The following MDN1 variants were observed in gnomAD, a reference collection of about 807,000 sequenced individuals.
MDN1 encodes midasin.
MDN1 carries 266 observed loss-of-function variants against 669.2 expected under a neutral mutation model. The observed-to-expected ratio is 0.40, with a 90% CI of 0.36 to 0.44. MDN1 has a LOEUF of 0.44. Among genes scored for constraint, MDN1 ranks in the 20% least tolerant of loss-of-function variants. The probability of loss-of-function intolerance (pLI) is 1.00; values close to 1 mark genes in which losing one functional copy is unlikely to be tolerated. For missense variants in MDN1, 5,940 were observed against 6,754.0 expected (o/e 0.88, Z 4.22); for synonymous variants, 2,385 against 2,457.1 (o/e 0.97, Z 0.87).
At chr6:89,651,049 T>G (rs1050352366) in intron 95 of MDN1, among the ~76,000 whole-genome samples, 1 of 151,832 alleles carries the variant, frequency 6.6e-6, no homozygotes, top group South Asian at 2.1e-4. Flanking sequence ...GGGTGGTGGC[T>G]AATGCCTGGT....
At chr6:89,810,461 A>C (rs1768339860) in intron 1 of MDN1, among the ~76,000 whole-genome samples, 1 of 152,054 alleles carries the variant, frequency 6.6e-6, no homozygotes, top group Admixed American at 6.6e-5. Context: ...AACAAAAAAC[A>C]AATTAAAAAA....
intron 7 of MDN1, 54 bp downstream of exon 7, chr6:89,789,726 T>C: frequency 6.5e-7 from 1 of 1,530,228 alleles, no homozygotes; most frequent in Admixed American, 2.3e-5. Context: ...ACAAAATGCT[T>C]TTCCAAGACA....
chr6:89,729,209 G>T, intron 35 of MDN1, 70 bp from the exon 36 acceptor site: 1 of 1,274,102 alleles, frequency 7.8e-7, no homozygotes, highest in Middle Eastern at 2.6e-4. Context: ...ATCAACTCAA[G>T]ATTTTAAAAA....
At position 89,664,564 on chromosome 6, in the gene MDN1, A is replaced by G. The variant is rs16882046; in HGVS notation, c.14159T>C (p.Ile4720Thr). The G allele has an allele frequency of 0.039, 62,787 of 1,613,510 alleles. 1,834 individuals are homozygous for G. The highest frequency in any genetic ancestry group is 0.12 in the South Asian group (11,304 of 90,968). Reference sequence around the variant, plus strand: ...CTCAATGGCATTATCCTCGCCCTTAATATCAGATTTTGAATCAGGATCCTC... The same window carrying G: ...CTCAATGGCATTATCCTCGCCCTTAGTATCAGATTTTGAATCAGGATCCTC... The part of the protein sequence containing the change: ...DKEDPDSKSD[I>T]KGEDNAIEMS... Residue 4720 changes from isoleucine to threonine, a missense_variant, in exon 85 of 102, where the codon ATT becomes ACT. Around this residue, in one of 5 missense-constraint regions of MDN1, gnomAD observed 2,280 missense variants for 2,576.3 expected, o/e 0.88. Coordinates refer to ENST00000369393, the MANE Select transcript of MDN1 (RefSeq NM_014611.3).
At chr6:89,815,261 C>A (rs1387062636) in intron 1 of MDN1, 1 of 435,120 alleles carries the variant, frequency 2.3e-6, no homozygotes. Flanking sequence ...GCTCTCCCAG[C>A]GCATCTGATA....
At chr6:89,811,612 AT>A (rs1423827560) in intron 1 of MDN1, among the ~76,000 whole-genome samples, 1 of 151,820 alleles carries the variant, frequency 6.6e-6, no homozygotes, top group African/African-American at 2.4e-5. Context: ...CGCCCAGCTA[AT>A]TTTTGTATTT....
rs78004294 is a variant in MDN1 at position 89,814,626 on chromosome 6, T to C, written c.102+4880A>G. 9 of 189,328 alleles carry C rather than the reference T, an allele frequency of 4.8e-5. No individual in the cohort carries two copies. The East Asian group carries it at 1.3e-3, about 26-fold the overall frequency. The allele number at this position is 189,328 out of a possible 1,614,324, so 11.7% of individuals were successfully genotyped here. ...TTTACAGTGCTCGGCTTCAGGCACA[T>C]GTTGGGGGTGTTGAGGTCTAGTGGG... On this transcript the variant is annotated intron_variant, in intron 1 of 101. Transcript: ENST00000369393.
chr6:89,769,130 C>T (rs770022209), intron 15 of MDN1, among the ~76,000 whole-genome samples: 2 of 151,912 alleles, frequency 1.3e-5, no homozygotes, highest in East Asian at 3.9e-4. Context: ...ATATATTTAA[C>T]ATAACTTATA....
chr6:89,645,242 G>T, intron 100 of MDN1, 85 bp from the exon 101 acceptor site: 2 of 1,425,870 alleles, frequency 1.4e-6, no homozygotes, highest in Non-Finnish European at 9.6e-7. Flanking sequence ...GGACAAATTA[G>T]TGTAGGCTTT....
chr6:89,769,918 TA>T (rs1817995613), intron 15 of MDN1, among the ~76,000 whole-genome samples: 1 of 152,132 alleles, frequency 6.6e-6, no homozygotes, highest in Non-Finnish European at 1.5e-5. Flanking sequence ...ATGAAATTAC[TA>T]AAGACATATA....
Position 89,709,716 on chromosome 6 carries a change from T to A in MDN1, c.7765+965A>T, listed in dbSNP as rs528407771. On this transcript the variant is annotated intron_variant, in intron 50 of 101. Coordinates refer to ENST00000369393, the MANE Select transcript of MDN1 (RefSeq NM_014611.3). ...GAAGATGGAGGTAGAAAATTTTAAA[T>A]CTGGTGTTGTGAAAATGCCCATTTT... Among the ~76,000 whole-genome samples the A allele has an allele frequency of 5.3e-5, 8 of 152,326 alleles. No individual in the cohort carries two copies. In the East Asian group the frequency reaches 1.5e-3, roughly 29 times the overall value.
At chr6:89,789,688 G>A (rs1287098522) in intron 7 of MDN1, 92 bp downstream of exon 7, 1 of 1,419,686 alleles carries the variant, frequency 7.0e-7, no homozygotes, top group Non-Finnish European at 9.5e-7. Flanking sequence ...ATACATTTTT[G>A]TTTAAATCAT....
Position 89,803,323 on chromosome 6 carries a change from C to A in MDN1, c.329+5G>T. 2 of 1,611,628 alleles carry A rather than the reference C, an allele frequency of 1.2e-6. No homozygotes were observed. The highest frequency in any genetic ancestry group is 1.7e-6 in the Non-Finnish European group (2 of 1,177,780). Reference sequence around the variant, plus strand: ...AGAAATGCGAATAATAAAATTGCTACTCACGGGAGGACATCAGGATGGTTA... The same window carrying A: ...AGAAATGCGAATAATAAAATTGCTAATCACGGGAGGACATCAGGATGGTTA... On this transcript the variant is annotated splice_donor_5th_base_variant and intron_variant, in intron 2 of 101. Transcript: ENST00000369393.
Position 89,729,066 on chromosome 6 carries a change from C to T in MDN1, c.5214G>A (p.Arg1738=). Residue 1738 remains arginine (R), a synonymous_variant, in exon 36 of 102, where the codon AGG becomes AGA. Transcript: ENST00000369393. ...TCTTCAGTTTGGTAGCTCTTAAGAG[C>T]CTCTGTGCATTCATAGCAGTGGTCC... ...SAGTTAMNAQ[R]LLRATKLKKP... is the part of the protein sequence containing the mutation. The T allele has an allele frequency of 6.2e-7, 1 of 1,613,976 alleles. No individual in the cohort carries two copies. The highest frequency in any genetic ancestry group is 1.1e-5 in the South Asian group (1 of 91,078).
intron 7 of MDN1, among the ~76,000 whole-genome samples, chr6:89,789,114 ACT>A (rs1049875086): frequency 2.2e-4 from 30 of 139,346 alleles, no homozygotes; most frequent in African/African-American, 8.0e-4. Context: ...ACAGAGCAAG[ACT>A]CTGTCTCACA....
At chr6:89,658,517 G>A in intron 89 of MDN1, 93 bp downstream of exon 89, 1 of 1,522,818 alleles carries the variant, frequency 6.6e-7, no homozygotes, top group Non-Finnish European at 8.9e-7. Flanking sequence ...CATGTTGATG[G>A]AGGAGTATCC....
intron 95 of MDN1, 54 bp from the exon 96 acceptor site, chr6:89,650,901 C>A: frequency 6.8e-7 from 1 of 1,472,324 alleles, no homozygotes; most frequent in South Asian, 1.1e-5. Flanking sequence ...CCAACCAAGT[C>A]TTCTAGCAAG....
chr6:89,680,391 T>C (rs1811528058), intron 74 of MDN1, among the ~76,000 whole-genome samples, 198 bp downstream of exon 74: 1 of 152,172 alleles, frequency 6.6e-6, no homozygotes, highest in South Asian at 2.1e-4. Context: ...AGGACGACAA[T>C]GTGAAAATTA....
chr6:89,743,307 T>A (rs773117874), intron 30 of MDN1, 27 bp from the exon 31 acceptor site: 1 of 1,613,630 alleles, frequency 6.2e-7, no homozygotes, highest in Admixed American at 1.7e-5. Context: ...TGGGGAAAAT[T>A]AAAGGGCAGG....
Sources: allele counts gnomAD v4.1 joint callset (sites outside exome capture counted in the v4.1 genomes callset), GRCh38; gene constraint gnomAD v4.1.1; regional missense constraint gnomAD v4.1.1; transcripts MANE v1.5; gene names NCBI Gene and HGNC (gene_info 2026-07-23, HGNC 2026-07-21).